CBLN2: variants seen among roughly 807,000 people sequenced by gnomAD.
CBLN2 encodes the protein cerebellin-2.
CBLN2 carries 7 observed loss-of-function variants against 15.0 expected under a neutral mutation model. The observed-to-expected ratio is 0.47, with a 90% CI of 0.27 to 0.88. CBLN2 has a LOEUF of 0.88. CBLN2 is among the 40% of genes least tolerant of loss of function. The pLI is 0.14. For synonymous variants in CBLN2, 149 were observed against 135.2 expected (o/e 1.10, Z -0.71); for missense variants, 242 against 304.5 (o/e 0.79, Z 1.53).
chr18:72,590,873 T>C (rs1056328166), intron 1 of CBLN2, among the ~76,000 whole-genome samples: 3 of 152,220 alleles, frequency 2.0e-5, no homozygotes, highest in African/African-American at 7.2e-5. Flanking sequence ...AAAACAAGCA[T>C]GCAAACAATA....
intron 1 of CBLN2, among the ~76,000 whole-genome samples, chr18:72,630,431 A>C: frequency 6.6e-6 from 1 of 152,130 alleles, no homozygotes; most frequent in South Asian, 2.1e-4. Flanking sequence ...ACACTGATGA[A>C]GTAAACTGTC....
intron 1 of CBLN2, among the ~76,000 whole-genome samples, chr18:72,591,917 C>T (rs1168984964): frequency 6.6e-6 from 1 of 152,090 alleles, no homozygotes; most frequent in Non-Finnish European, 1.5e-5. Context: ...CACATAGTTT[C>T]CTTCCAAATA....
intron 1 of CBLN2, among the ~76,000 whole-genome samples, chr18:72,605,719 G>C (rs370731433): frequency 6.6e-6 from 1 of 152,310 alleles, no homozygotes; most frequent in African/African-American, 2.4e-5. Context: ...CACTACATAA[G>C]AGTTTTCTAA....
At chr18:72,571,555 TTGG>T (rs1318668169) in intron 1 of CBLN2, among the ~76,000 whole-genome samples, 3 of 152,200 alleles carry the variant, frequency 2.0e-5, no homozygotes, top group African/African-American at 7.2e-5. Flanking sequence ...AGTGGAATCA[TTGG>T]TGCTTTGACA....
chr18:72,593,580 T>C (rs2069494290), intron 1 of CBLN2, among the ~76,000 whole-genome samples: 1 of 152,204 alleles, frequency 6.6e-6, no homozygotes, highest in African/African-American at 2.4e-5. Context: ...ATTCCTGTCT[T>C]GTTCCAGATC....
rs185068569 is a variant in CBLN2, at chr18:72,601,000, T to C, written c.15+37325A>G. Among the ~76,000 whole-genome samples, 492 of 152,306 alleles carry C rather than the reference T, an allele frequency of 3.2e-3. 3 individuals carry two copies. Among genetic ancestry groups the C allele is most frequent in the African/African-American group, 0.011 (439 of 41,572 alleles). On this transcript the variant is annotated intron_variant, in intron 1 of 2. Transcript: ENST00000581073. ...AATCTTAGGTTCTACAATAGTGATGTTACCCACAGGAGTAAACGGGGAAGT... is the reference window on the plus strand; with the variant it reads ...AATCTTAGGTTCTACAATAGTGATGCTACCCACAGGAGTAAACGGGGAAGT...
intron 1 of CBLN2, among the ~76,000 whole-genome samples, chr18:72,555,251 G>T (rs574227777): frequency 6.6e-6 from 1 of 152,224 alleles, no homozygotes; most frequent in African/African-American, 2.4e-5. Context: ...AGGTGCCCTC[G>T]GCTGGAAAGC....
chr18:72,549,830 T>C (rs918327895), intron 1 of CBLN2, among the ~76,000 whole-genome samples: 4 of 152,182 alleles, frequency 2.6e-5, no homozygotes, highest in African/African-American at 9.7e-5. Context: ...TCTGTAATTG[T>C]CATGGATGGA....
intron 1 of CBLN2, among the ~76,000 whole-genome samples, chr18:72,615,804 T>C (rs2069657688): frequency 6.6e-6 from 1 of 152,188 alleles, no homozygotes; most frequent in Non-Finnish European, 1.5e-5. Context: ...CTGATAATTC[T>C]AGAATGAAAT....
intron 3 of CBLN2, among the ~76,000 whole-genome samples, chr18:72,540,645 A>G (rs1178497135): frequency 6.6e-6 from 1 of 152,236 alleles, no homozygotes; most frequent in Non-Finnish European, 1.5e-5. Context: ...TTGTAAATAA[A>G]AATGAATTAA....
intron 1 of CBLN2, among the ~76,000 whole-genome samples, chr18:72,580,571 A>T (rs891023037): frequency 6.6e-6 from 1 of 152,162 alleles, no homozygotes; most frequent in Non-Finnish European, 1.5e-5. Flanking sequence ...AATTTCATAG[A>T]ATTGGAATCA....
intron 1 of CBLN2, among the ~76,000 whole-genome samples, chr18:72,574,654 G>A (rs2069353242): frequency 6.6e-6 from 1 of 152,128 alleles, no homozygotes; most frequent in Non-Finnish European, 1.5e-5. Flanking sequence ...GCTAGAAAGT[G>A]AATGGATGTG....
intron 1 of CBLN2, among the ~76,000 whole-genome samples, chr18:72,631,391 T>C (rs947092643): frequency 1.3e-5 from 2 of 151,846 alleles, no homozygotes; most frequent in East Asian, 1.9e-4. Context: ...CCTGATTCTA[T>C]AGGTGCTCTA....
intron 1 of CBLN2, among the ~76,000 whole-genome samples, chr18:72,584,784 C>G (rs965682745): frequency 6.6e-6 from 1 of 152,114 alleles, no homozygotes; most frequent in African/African-American, 2.4e-5. Context: ...TCACAGGATC[C>G]TTGGGGTGTC....
chr18:72,599,693 C>T (rs147944711), intron 1 of CBLN2, among the ~76,000 whole-genome samples: 1 of 152,144 alleles, frequency 6.6e-6, no homozygotes, highest in East Asian at 1.9e-4. Flanking sequence ...GCATAAGATA[C>T]TGGAAAAAGA....
intron 1 of CBLN2, among the ~76,000 whole-genome samples, chr18:72,621,836 C>A (rs551504376): frequency 6.6e-6 from 1 of 152,178 alleles, no homozygotes; most frequent in East Asian, 1.9e-4. Context: ...TGAGAACCTA[C>A]CAGTGGAGTG....
At chr18:72,549,021 T>A (rs773399352), upstream of CBLN2, among the ~76,000 whole-genome samples, 58 of 152,130 alleles carry the variant, frequency 3.8e-4, no homozygotes, top group African/African-American at 9.4e-4. Context: ...TTATTTATTT[T>A]TTATTTTTTT....
rs558550055 is a variant in CBLN2 at position 72,574,239 on chromosome 18, A to G, written c.16-35467T>C. ...TTTTCTTTCAATCTGGTCTTTCTTT[A>G]TGTTCTCTTGATAGTGTCTTCTCAG... On this transcript the variant is annotated intron_variant, in intron 1 of 2. Transcript: ENST00000581073. Among the ~76,000 whole-genome samples, 467 of 152,106 alleles carry G rather than the reference A, an allele frequency of 3.1e-3. 4 individuals carry two copies. The highest frequency in any genetic ancestry group is 5.3e-3 in the Non-Finnish European group (359 of 67,964).
At chr18:72,610,743 T>A (rs1454633679) in intron 1 of CBLN2, among the ~76,000 whole-genome samples, 1 of 152,234 alleles carries the variant, frequency 6.6e-6, no homozygotes, top group East Asian at 1.9e-4. Flanking sequence ...GTGGCTCATT[T>A]AAAAATAGAA....
Sources: allele counts gnomAD v4.1 joint callset (sites outside exome capture counted in the v4.1 genomes callset), GRCh38; gene constraint gnomAD v4.1.1; transcripts MANE v1.5; gene names NCBI Gene and HGNC (gene_info 2026-07-23, HGNC 2026-07-21).